The following STK4 variants were observed in gnomAD, a reference collection of about 807,000 sequenced individuals.
STK4 encodes the protein serine/threonine-protein kinase 4.
STK4 carries 30 observed loss-of-function variants against 64.9 expected under a neutral mutation model. That is an observed-to-expected ratio of 0.46 (90% CI 0.35 to 0.63). The LOEUF is 0.63. STK4 is among the 20% of genes least tolerant of loss of function. The pLI is 0.01. For synonymous variants in STK4, 177 were observed against 199.0 expected (o/e 0.89, Z 0.93); for missense variants, 466 against 598.5 (o/e 0.78, Z 2.31).
At chr20:44,990,756 G>A (rs1203524045) in intron 5 of STK4, among the ~76,000 whole-genome samples, 2 of 152,110 alleles carry the variant, frequency 1.3e-5, no homozygotes, top group Admixed American at 6.5e-5. Context: ...AGGGTGGGGC[G>A]AGGGAAGCCC....
At chr20:45,053,135 G>T (rs763930622) in intron 10 of STK4, 7 of 1,612,766 alleles carry the variant, frequency 4.3e-6, no homozygotes, top group Non-Finnish European at 5.1e-6. Context: ...ATCCAAAATT[G>T]CCAGGGAAAC....
At chr20:44,980,444 G>A (rs1441734951) in intron 3 of STK4, among the ~76,000 whole-genome samples, 2 of 152,148 alleles carry the variant, frequency 1.3e-5, no homozygotes, top group Non-Finnish European at 2.9e-5. Flanking sequence ...AGCTCTCAGA[G>A]GGCACATTAT....
At chr20:45,016,347 C>T (rs2068142866) in intron 9 of STK4, among the ~76,000 whole-genome samples, 1 of 151,896 alleles carries the variant, frequency 6.6e-6, no homozygotes, top group South Asian at 2.1e-4. Flanking sequence ...TTTTTTCCAC[C>T]CCCGAAAGAT....
At chr20:44,997,733 C>T (rs1399300715) in intron 7 of STK4, among the ~76,000 whole-genome samples, 1 of 152,154 alleles carries the variant, frequency 6.6e-6, no homozygotes, top group African/African-American at 2.4e-5. Context: ...ACATTCTCTA[C>T]CTCTAGGGAG....
rs1054292275 is a variant in STK4, at chr20:45,019,106, T to A, written c.1148-5867T>A. On this transcript the variant is annotated intron_variant, in intron 9 of 10. Transcript: ENST00000372806. ...TAAAGCATAGAATTCAGTGTTTTTT[T>A]AGGATATTAACAAGGTGTTGCAACT... Among the ~76,000 whole-genome samples, 9 of 152,324 alleles carry A rather than the reference T, an allele frequency of 5.9e-5. No individual in the cohort carries two copies. In the East Asian group the frequency reaches 1.7e-3, roughly 29 times the overall value.
At chr20:45,052,278 C>A (rs988302863) in intron 10 of STK4, among the ~76,000 whole-genome samples, 34 of 40,280 alleles carry the variant, frequency 8.4e-4, no homozygotes, top group African/African-American at 4.8e-3. Flanking sequence ...AACTCTTCCA[C>A]CCCCCCCAGC....
intron 10 of STK4, among the ~76,000 whole-genome samples, chr20:45,056,101 C>T (rs1978461553): frequency 6.6e-6 from 1 of 152,146 alleles, no homozygotes; most frequent in South Asian, 2.1e-4. Context: ...CAACTACCTG[C>T]CACAATTTTT....
intron 5 of STK4, among the ~76,000 whole-genome samples, chr20:44,990,836 C>T (rs1373544408): frequency 6.6e-6 from 1 of 152,136 alleles, no homozygotes; most frequent in East Asian, 1.9e-4. Context: ...ACCCAGGCTT[C>T]CTATTTGGAT....
chr20:45,021,459 A>G (rs2068245848), intron 9 of STK4, among the ~76,000 whole-genome samples: 1 of 152,226 alleles, frequency 6.6e-6, no homozygotes, highest in African/African-American at 2.4e-5. Flanking sequence ...TGAAGAAAGA[A>G]TCATTATGGT....
chr20:44,973,186 A>AT (rs1285530105), intron 2 of STK4: 1 of 152,154 alleles, frequency 6.6e-6, no homozygotes, highest in Non-Finnish European at 1.5e-5. Flanking sequence ...TGGGTTTAGT[A>AT]TTTTTTATGT....
chr20:44,966,663 G>C, intron 1 of STK4, 60 bp downstream of exon 1: 2 of 1,259,628 alleles, frequency 1.6e-6, no homozygotes, highest in Non-Finnish European at 1.0e-6. Context: ...GGCGGGAACT[G>C]GTTGAGGGGA....
At position 45,025,128 on chromosome 20, in the gene STK4, T is replaced by C. The variant is rs1163139493; in HGVS notation, c.1303T>C (p.Phe435Leu). 2 of 1,606,350 alleles carry C rather than the reference T, an allele frequency of 1.2e-6. No homozygotes were observed. The highest frequency in any genetic ancestry group is 2.7e-5 in the African/African-American group (2 of 74,550). The change falls in exon 10 of 11, where the codon TTT (phenylalanine) becomes CTT (leucine). Residue 435 changes from phenylalanine to leucine, a missense_variant and splice_region_variant. Around this residue, in one of 2 missense-constraint regions of STK4, gnomAD observed 276 missense variants for 308.9 expected, o/e 0.89. Transcript: ENST00000372806. ...AATACCACAGGATGGAGACTACGAG[T>C]TTGTAAGTAGTGTTGGAAGTAAATG... ...WKIPQDGDYE[F>L]LKSWTVEDLQ...
At chr20:45,026,698 T>C (rs530282446) in intron 10 of STK4, among the ~76,000 whole-genome samples, 1 of 152,340 alleles carries the variant, frequency 6.6e-6, no homozygotes, top group Admixed American at 6.5e-5. Flanking sequence ...AAAGGTATTA[T>C]TCTAGTTGCT....
Position 45,077,561 on chromosome 20 carries a change from A to G in STK4, c.*2385A>G, listed in dbSNP as rs956610474. On this transcript the variant is annotated 3_prime_UTR_variant, in exon 11 of 11. Transcript: ENST00000372806. ...CACCATGCCCAGATTATTTTTTTGT[A>G]TTTGTAGTAGAGACGGGGTTTCACC... is the stretch of plus-strand genomic sequence containing the variant. The G allele has an allele frequency of 6.6e-6, 1 of 151,934 alleles. No individual in the cohort carries two copies. The highest frequency in any genetic ancestry group is 1.5e-5 in the Non-Finnish European group (1 of 68,038). 9.4% of individuals were successfully genotyped at this position (151,934 alleles called of 1,614,324 possible).
intron 7 of STK4, among the ~76,000 whole-genome samples, chr20:44,998,987 G>A (rs936588274): frequency 4.6e-5 from 7 of 151,618 alleles, no homozygotes; most frequent in African/African-American, 1.5e-4. Flanking sequence ...AGAAGCACTT[G>A]AACCCGGGAG....
chr20:45,020,471 T>C (rs1055671340), intron 9 of STK4, among the ~76,000 whole-genome samples: 3 of 47,642 alleles, frequency 6.3e-5, no homozygotes, highest in African/African-American at 4.5e-4. Context: ...TGTGTGTATG[T>C]TTATGTTTAT....
chr20:45,023,637 C>T (rs1183704037), intron 9 of STK4, among the ~76,000 whole-genome samples: 1 of 152,146 alleles, frequency 6.6e-6, no homozygotes, highest in African/African-American at 2.4e-5. Context: ...CAGGTACATT[C>T]AGCTAGTTTG....
chr20:45,001,125 T>G (rs371918745), intron 8 of STK4, 42 bp from the exon 9 acceptor site: 4 of 1,572,102 alleles, frequency 2.5e-6, no homozygotes, highest in Non-Finnish European at 3.5e-6. Context: ...CTCAAAGTCT[T>G]TTGTCAAATT....
intron 10 of STK4, among the ~76,000 whole-genome samples, chr20:45,028,110 T>G (rs6073606): frequency 0.12 from 18,935 of 152,266 alleles, 1,543 homozygotes; most frequent in East Asian, 0.22. Flanking sequence ...ATTTCCTTTC[T>G]TTTGGATATA....
Sources: gnomAD v4.1 joint callset for allele counts (sites outside exome capture counted in the v4.1 genomes callset) on GRCh38, gnomAD v4.1.1 for gene constraint, gnomAD v4.1.1 regional missense constraint, MANE v1.5 for transcripts, NCBI Gene and HGNC (gene_info 2026-07-23, HGNC 2026-07-21) for gene names.